The following DUS1L variants were observed in gnomAD, a reference collection of about 807,000 sequenced individuals.
DUS1L encodes the protein tRNA-dihydrouridine(16/17) synthase [NAD(P)(+)]-like.
In DUS1L, 56 loss-of-function variants were observed where a neutral mutation model predicts 61.2. That is an observed-to-expected ratio of 0.92 (90% confidence interval 0.74 to 1.14). The LOEUF is 1.14. DUS1L is among the 50% of genes most tolerant of loss of function. The probability of loss-of-function intolerance (pLI) is 0.00; values close to 1 mark genes in which losing one functional copy is unlikely to be tolerated. For missense variants in DUS1L, 630 were observed against 632.4 expected (o/e 1.00, Z 0.04); for synonymous variants, 278 against 259.5 (o/e 1.07, Z -0.69).
At chr17:82,063,151 C>T in intron 4 of DUS1L, 178 bp from the exon 5 acceptor site, 1 of 649,314 alleles carries the variant, frequency 1.5e-6, no homozygotes, top group East Asian at 2.7e-5. Flanking sequence ...CTCCCTCCGC[C>T]ATACCCCCGG....
chr17:82,065,429 C>T (rs945401550), intron 1 of DUS1L, 184 bp downstream of exon 1: 1 of 216,328 alleles, frequency 4.6e-6, no homozygotes, highest in South Asian at 1.6e-4. Flanking sequence ...CGGCCCCTTC[C>T]CGGGAGAATC....
At position 82,058,724 on chromosome 17, in the gene DUS1L, C is replaced by A. The variant is rs543202095; in HGVS notation, c.1206+57G>T. 5.6e-6 allele frequency: 9 copies of A among 1,610,668 alleles called. No individual in the cohort carries two copies. The African/African-American group carries it at 9.3e-5, about 17-fold the overall frequency. On this transcript the variant is annotated intron_variant, in intron 12 of 13. Coordinates refer to ENST00000306796, the MANE Select transcript of DUS1L (RefSeq NM_022156.5). ...CTGCCACCCCAAGCAGTGCAGAGACCACCCTGCCCACCCCCAAAGCTGAAG... is the reference window on the plus strand; with the variant it reads ...CTGCCACCCCAAGCAGTGCAGAGACAACCCTGCCCACCCCCAAAGCTGAAG...
chr17:82,062,165 G>C (rs1276129449), intron 5 of DUS1L, among the ~76,000 whole-genome samples, 182 bp from the exon 6 acceptor site: 32 of 152,014 alleles, frequency 2.1e-4, no homozygotes, highest in Admixed American at 2.1e-3. Context: ...TCCTGAAGCA[G>C]GGCTGAGGAA....
intron 5 of DUS1L, among the ~76,000 whole-genome samples, chr17:82,062,312 C>G (rs960828918): frequency 4.6e-5 from 7 of 152,224 alleles, no homozygotes; most frequent in Admixed American, 4.6e-4. Context: ...GTGGGAGGGA[C>G]TGACTCCAGG....
intron 2 of DUS1L, 119 bp from the exon 3 acceptor site, chr17:82,064,353 G>A: frequency 2.4e-6 from 2 of 824,134 alleles, no homozygotes; most frequent in South Asian, 3.2e-5. Context: ...ACTGCAGGAG[G>A]GTGCTCTGTC....
Position 82,058,764 on chromosome 17 carries a change from A to G in DUS1L, c.1206+17T>C. ...CAAAGCTGAAGCCTTGGTGGCTTGC[A>G]GCCGGAACCCACTCACCTTTGGGTT... On this transcript the variant is annotated intron_variant, in intron 12 of 13. Transcript: ENST00000306796. The G allele has an allele frequency of 6.2e-7, 1 of 1,613,316 alleles. No individual in the cohort carries two copies. The highest frequency in any genetic ancestry group is 8.5e-7 in the Non-Finnish European group (1 of 1,179,930).
intron 11 of DUS1L, chr17:82,059,625 G>A (rs1044654437): frequency 1.0e-4 from 37 of 358,504 alleles, no homozygotes; most frequent in Admixed American, 8.3e-4. Context: ...CTGCTCAGGT[G>A]TCCTGTGTGA....
chr17:82,060,433 G>A (rs1264251963), intron 10 of DUS1L: 15 of 588,642 alleles, frequency 2.5e-5, no homozygotes, highest in Admixed American at 2.1e-4. Context: ...GGAGCTCAGA[G>A]AAGTATGTTA....
At chr17:82,058,911 G>T in intron 11 of DUS1L, 93 bp from the exon 12 acceptor site, 1 of 1,217,938 alleles carries the variant, frequency 8.2e-7, no homozygotes. Flanking sequence ...CCTGCTGATG[G>T]CGTCCATGCC....
chr17:82,059,581 A>G (rs1163949996), intron 11 of DUS1L: 7 of 243,782 alleles, frequency 2.9e-5, no homozygotes, highest in Non-Finnish European at 4.0e-5. Context: ...ACCCATGCAC[A>G]CACTCCCGGG....
In DUS1L at chr17:82,058,035, T is replaced by G. The variant is rs2033145745; in HGVS notation, c.*80A>C. The G allele has an allele frequency of 7.0e-7, 1 of 1,428,574 alleles. No individual in the cohort carries two copies. The highest frequency in any genetic ancestry group is 9.2e-7 in the Non-Finnish European group (1 of 1,087,374). The allele number at this position is 1,428,574 out of a possible 1,614,324, so 88.5% of individuals were successfully genotyped here. ...TCTTTCCACATTAAGTAGCAGGAGA[T>G]TCCCTGAGTAAAAGGCATTTTCTTA... On this transcript the variant is annotated 3_prime_UTR_variant, in exon 14 of 14. Transcript: ENST00000306796.
At chr17:82,060,508 T>G in intron 10 of DUS1L, 193 bp downstream of exon 10, 1 of 671,328 alleles carries the variant, frequency 1.5e-6, no homozygotes, top group Non-Finnish European at 2.5e-6. Flanking sequence ...ACCAGCATCC[T>G]CCACCAAGGA....
At position 82,061,231 on chromosome 17, in the gene DUS1L, G is replaced by T; in HGVS notation, c.820C>A (p.Leu274Ile). The T allele has an allele frequency of 6.3e-7, 1 of 1,598,904 alleles. No homozygotes were observed. The highest frequency in any genetic ancestry group is 8.5e-7 in the Non-Finnish European group (1 of 1,171,024). Residue 274 changes from leucine to isoleucine, a missense_variant, in exon 8 of 14, where the codon CTC becomes ATC. Transcript: ENST00000306796. ...PCPLSYVRAH[L>I]FKLWHHTLQV... Reference sequence around the variant, plus strand: ...CACGTGTGGTGCCACAGCTTGAAGAGGTGGGCCCGGACGTAGGACAGGGGG... The same window carrying T: ...CACGTGTGGTGCCACAGCTTGAAGATGTGGGCCCGGACGTAGGACAGGGGG...
intron 11 of DUS1L, chr17:82,059,736 C>T: frequency 1.6e-6 from 1 of 630,242 alleles, no homozygotes; most frequent in South Asian, 2.1e-5. Context: ...TTCACTGAGC[C>T]CATGTCCCAC....
rs1381487723 is a variant in DUS1L, at chr17:82,065,018, C to A, written c.42G>T (p.Leu14=). ...LQGFEFWSRT[L]RGARHVVAPM... ...GGGCCACGACGTGGCGGGCCCCTCG[C>A]AGGGTGCGGCTCCAGAACTCGAAGC... The change falls in exon 2 of 14, where the codon CTG becomes CTT. Residue 14 remains leucine (L), a synonymous_variant. Coordinates refer to ENST00000306796, the MANE Select transcript of DUS1L (RefSeq NM_022156.5). 34 of 1,609,012 alleles carry A rather than the reference C, an allele frequency of 2.1e-5. No homozygotes were observed. Among genetic ancestry groups the A allele is most frequent in the Non-Finnish European group, 2.8e-5 (33 of 1,177,672 alleles).
intron 4 of DUS1L, 32 bp from the exon 5 acceptor site, chr17:82,063,005 C>T: frequency 1.3e-6 from 2 of 1,564,220 alleles, no homozygotes; most frequent in South Asian, 1.1e-5. Context: ...TCTGAGGGGG[C>T]CATGGTGTTC....
chr17:82,059,802 T>A, intron 11 of DUS1L, 146 bp downstream of exon 11: 1 of 1,197,870 alleles, frequency 8.3e-7, no homozygotes, highest in Non-Finnish European at 1.2e-6. Context: ...TCTGGCTGAC[T>A]ACTCCGCCAA....
At position 82,061,583 on chromosome 17, in the gene DUS1L, A is replaced by G. The variant is rs2033497993; in HGVS notation, c.697+35T>C. On this transcript the variant is annotated intron_variant, in intron 7 of 13. Transcript: ENST00000306796. ...TGGGCGGTGGTATCAGGCCGTGTGC[A>G]TGGGGCCCTGGCTGCTGTCCTGGGC... 7 of 1,592,054 alleles carry G rather than the reference A, an allele frequency of 4.4e-6. No homozygotes were observed. In the East Asian group the frequency reaches 1.3e-4, roughly 31 times the overall value.
intron 11 of DUS1L, 91 bp downstream of exon 11, chr17:82,059,857 G>T: frequency 6.4e-7 from 1 of 1,562,574 alleles, no homozygotes; most frequent in South Asian, 1.2e-5. Flanking sequence ...GAGCCTTGCT[G>T]ACCACAAGTC....
Sources: allele counts gnomAD v4.1 joint callset (sites outside exome capture counted in the v4.1 genomes callset), GRCh38; gene constraint gnomAD v4.1.1; transcripts MANE v1.5; gene names NCBI Gene and HGNC (gene_info 2026-07-23, HGNC 2026-07-21).